Variants in LRBA observed in about 807,000 individuals in gnomAD.
The protein encoded by LRBA is LPS responsive beige-like anchor protein.
A neutral mutation model predicts 330.0 loss-of-function variants in LRBA; 176 were observed. The ratio of observed to expected loss-of-function variants is 0.53; its 90% CI spans 0.47 to 0.60. LRBA has a LOEUF of 0.60. Ranked by LOEUF, LRBA falls within the 20% of genes least tolerant of loss-of-function variation. The pLI is 0.00. For missense variants in LRBA, 3,259 were observed against 3,444.8 expected, an observed-to-expected ratio of 0.95 and a Z score of 1.35; for synonymous variants, 1,230 against 1,193.0, an observed-to-expected ratio of 1.03 and a Z score of -0.64.
intron 40 of LRBA, among the ~76,000 whole-genome samples, chr4:150,534,404 A>G (rs1264105312): frequency 1.3e-5 from 2 of 150,484 alleles, no homozygotes; most frequent in Non-Finnish European, 3.0e-5. Flanking sequence ...ACTTTTTAGT[A>G]CATCATCCAG....
intron 36 of LRBA, among the ~76,000 whole-genome samples, chr4:150,732,035 T>C (rs997795400): frequency 3.3e-5 from 5 of 152,136 alleles, no homozygotes; most frequent in Non-Finnish European, 7.4e-5. Flanking sequence ...ATAATTACAC[T>C]GAAAATAATT....
chr4:150,928,968 G>T lies in LRBA; in HGVS notation c.314C>A (p.Thr105Lys), dbSNP rs1467585610. The T allele has an allele frequency of 6.2e-7, 1 of 1,613,266 alleles. No homozygotes were observed. The highest frequency in any genetic ancestry group is 2.2e-5 in the East Asian group (1 of 44,838). Residue 105 changes from threonine (T) to lysine (K), a missense_variant, in exon 3 of 57, where the codon ACG becomes AAG. Coordinates refer to ENST00000651943, the MANE Select transcript of LRBA (RefSeq NM_001364905.1). ...MVDLLEKCDI[T>K]CQAEVWSMFT... is the part of the protein sequence containing the mutation. The stretch of plus-strand genomic sequence containing the variant: ...CATGCTCCAGACTTCTGCTTGGCAC[G>T]TAATGTCACATTTTTCCAGTAGGTC...
chr4:150,666,119 T>C (rs752787019), intron 37 of LRBA, among the ~76,000 whole-genome samples: 1 of 152,178 alleles, frequency 6.6e-6, no homozygotes, highest in African/African-American at 2.4e-5. Context: ...ATTATGATGA[T>C]GGTTTCATGG....
At chr4:150,962,003 G>A (rs1217170836) in intron 2 of LRBA, among the ~76,000 whole-genome samples, 2 of 149,342 alleles carry the variant, frequency 1.3e-5, no homozygotes, top group Non-Finnish European at 2.9e-5. Flanking sequence ...GAGGCAAGAA[G>A]TGGTGCTGCT....
At chr4:150,717,039 C>T (rs1177137303) in intron 36 of LRBA, among the ~76,000 whole-genome samples, 3 of 152,102 alleles carry the variant, frequency 2.0e-5, no homozygotes, top group African/African-American at 7.2e-5. Flanking sequence ...TGACGTTAGG[C>T]CACATAGCAA....
chr4:150,653,501 T>C (rs1254754098), intron 37 of LRBA, among the ~76,000 whole-genome samples: 6 of 152,172 alleles, frequency 3.9e-5, no homozygotes, highest in South Asian at 2.1e-4. Context: ...GCCTCTGACA[T>C]AGCAGGTTGG....
rs77021436 is a variant in LRBA at position 150,566,981 on chromosome 4, A to G, written c.6330+21067T>C. 5.8e-3 allele frequency among the ~76,000 whole-genome samples: 888 copies of G among 152,254 alleles called. 8 individuals are homozygous for G. The highest frequency in any genetic ancestry group is 0.02 in the African/African-American group (840 of 41,566). On this transcript the variant is annotated intron_variant, in intron 40 of 56. Coordinates refer to ENST00000651943, the MANE Select transcript of LRBA (RefSeq NM_001364905.1). ...ATAAGCCACAATATTTCCTAAGTAT[A>G]AAATATGCAGCATTTTATTAACTTC...
At chr4:150,730,214 T>G (rs188219831) in intron 36 of LRBA, among the ~76,000 whole-genome samples, 71 of 152,166 alleles carry the variant, frequency 4.7e-4, no homozygotes, top group Non-Finnish European at 7.8e-4. Flanking sequence ...AGACAACCCA[T>G]AGAATGGAAG....
intron 42 of LRBA, 28 bp from the exon 43 acceptor site, chr4:150,471,767 T>C (rs112467604): frequency 1.1e-5 from 10 of 925,564 alleles, no homozygotes; most frequent in Middle Eastern, 2.1e-4. Context: ...CAATGTGATA[T>C]GATTAATTAT....
chr4:150,324,834 A>G (rs1158675827), intron 49 of LRBA, among the ~76,000 whole-genome samples: 1 of 152,208 alleles, frequency 6.6e-6, no homozygotes, highest in African/African-American at 2.4e-5. Context: ...ATGAGGGACA[A>G]TTGAAAAACA....
intron 22 of LRBA, among the ~76,000 whole-genome samples, chr4:150,863,077 AC>A (rs1334365886): frequency 2.0e-5 from 3 of 152,052 alleles, no homozygotes; most frequent in African/African-American, 4.8e-5. Context: ...GCGGGGGGCC[AC>A]TTGAGTCCAG....
intron 36 of LRBA, chr4:150,721,414 CAT>C: frequency 3.3e-6 from 1 of 302,720 alleles, no homozygotes; most frequent in Non-Finnish European, 6.4e-6. Flanking sequence ...AAAGTTATAA[CAT>C]ATTCAGCAAT....
intron 45 of LRBA, among the ~76,000 whole-genome samples, chr4:150,436,015 C>A (rs1186052312): frequency 6.6e-6 from 1 of 152,006 alleles, no homozygotes; most frequent in Non-Finnish European, 1.5e-5. Flanking sequence ...CTTCATAGTA[C>A]AGGGAATAGT....
chr4:150,744,003 CA>C (rs1193290249), intron 35 of LRBA, among the ~76,000 whole-genome samples: 1 of 152,158 alleles, frequency 6.6e-6, no homozygotes, highest in Non-Finnish European at 1.5e-5. Flanking sequence ...AACTGTCTTC[CA>C]GCTACTTTAG....
intron 37 of LRBA, among the ~76,000 whole-genome samples, chr4:150,629,107 G>A (rs1777126705): frequency 6.6e-6 from 1 of 151,988 alleles, no homozygotes. Context: ...TCACTATATT[G>A]CCCAGGCTGG....
In LRBA at chr4:150,828,551, A is replaced by G. The variant is rs1196909103; in HGVS notation, c.4800T>C (p.Ala1600=). Residue 1600 remains alanine (A), a synonymous_variant, in exon 30 of 57, where the codon GCT becomes GCC. Coordinates refer to ENST00000651943, the MANE Select transcript of LRBA (RefSeq NM_001364905.1). ...SVEESESTSS[A]RRRDSGIGEE... ...CCCCAATGCCTGAGTCCCTCCTTCG[A>G]GCAGATGATGTGCTTTCAGATTCTT... The G allele has an allele frequency of 6.2e-7, 1 of 1,614,094 alleles. No individual in the cohort carries two copies. The highest frequency in any genetic ancestry group is 8.5e-7 in the Non-Finnish European group (1 of 1,180,006).
chr4:151,002,717 T>C (rs1000298616), intron 2 of LRBA, among the ~76,000 whole-genome samples: 2 of 151,468 alleles, frequency 1.3e-5, no homozygotes, highest in African/African-American at 4.9e-5. Context: ...AATCTGGTAC[T>C]GAAGAATTAA....
rs1460186232 is a variant in LRBA at position 150,960,582 on chromosome 4, G to A, written c.217-31517C>T. ...AAATAAATAAAAGAAAGTGATTACT[G>A]TAAAAGTCAAGATAGAGGTTCCATT... is the stretch of plus-strand genomic sequence containing the variant. On this transcript the variant is annotated intron_variant, in intron 2 of 56. Transcript: ENST00000651943. Among the ~76,000 whole-genome samples, 8 of 149,194 alleles carry A rather than the reference G, an allele frequency of 5.4e-5. 2 individuals are homozygous for A. Among genetic ancestry groups the A allele is most frequent in the African/African-American group, 2.1e-4 (8 of 38,612 alleles).
chr4:150,847,317 A>C (rs1290429374), intron 26 of LRBA, among the ~76,000 whole-genome samples: 1 of 152,190 alleles, frequency 6.6e-6, no homozygotes, highest in Non-Finnish European at 1.5e-5. Flanking sequence ...ATGTCTCTTA[A>C]ATTTTAAAAC....
Sources: allele counts gnomAD v4.1 joint callset (sites outside exome capture counted in the v4.1 genomes callset), GRCh38; gene constraint gnomAD v4.1.1; transcripts MANE v1.5; gene names NCBI Gene and HGNC (gene_info 2026-07-23, HGNC 2026-07-21).